The following NAALADL2 variants were observed in gnomAD, a reference collection of about 807,000 sequenced individuals.
NAALADL2 encodes N-acetylated alpha-linked acidic dipeptidase like 2, also known as inactive N-acetylated-alpha-linked acidic dipeptidase-like protein 2.
A neutral mutation model predicts 87.2 loss-of-function variants in NAALADL2; 76 were observed. That is an observed-to-expected ratio of 0.87 (90% CI 0.72 to 1.05). The LOEUF is 1.05. NAALADL2 is among the 50% of genes least tolerant of loss of function. The pLI, the probability that NAALADL2 is intolerant of heterozygous loss-of-function variation, is 0.00. For synonymous variants in NAALADL2, 354 were observed against 331.0 expected (o/e 1.07, Z -0.75); for missense variants, 1,089 against 945.8 (o/e 1.15, Z -1.99).
intron 2 of NAALADL2, among the ~76,000 whole-genome samples, chr3:175,147,395 C>G (rs969480705): frequency 6.6e-6 from 1 of 152,102 alleles, no homozygotes; most frequent in African/African-American, 2.4e-5. Flanking sequence ...CCAGCTGCAT[C>G]CAGGTTGCTA....
At chr3:175,567,155 T>G (rs1326349062) in intron 9 of NAALADL2, among the ~76,000 whole-genome samples, 3 of 152,216 alleles carry the variant, frequency 2.0e-5, no homozygotes, top group African/African-American at 7.2e-5. Context: ...TATTTTCTAA[T>G]GTTTTAAAAG....
chr3:174,938,427 G>A (rs1365869446), intron 1 of NAALADL2, among the ~76,000 whole-genome samples: 1 of 151,964 alleles, frequency 6.6e-6, no homozygotes, highest in Non-Finnish European at 1.5e-5. Flanking sequence ...ATTTGTCATT[G>A]ATAGGCATTT....
chr3:175,255,595 C>G (rs146238284), intron 3 of NAALADL2, among the ~76,000 whole-genome samples: 1 of 152,166 alleles, frequency 6.6e-6, no homozygotes, highest in Non-Finnish European at 1.5e-5. Flanking sequence ...GAGAGTAAAG[C>G]TAAAATCAAT....
intron 2 of NAALADL2, among the ~76,000 whole-genome samples, chr3:175,204,586 C>T (rs186057985): frequency 3.7e-4 from 57 of 152,102 alleles, no homozygotes; most frequent in Non-Finnish European, 5.6e-4. Flanking sequence ...TAGAACTGGA[C>T]GTCCTAGCAA....
chr3:174,558,755 C>T (rs1044692930), intron 2 of NAALADL2, among the ~76,000 whole-genome samples: 3 of 152,106 alleles, frequency 2.0e-5, no homozygotes, highest in African/African-American at 7.2e-5. Context: ...TGGACTGATC[C>T]TGGTCCATGG....
chr3:174,910,244 ATTAAC>A (rs1733527823), intron 1 of NAALADL2, among the ~76,000 whole-genome samples: 1 of 152,066 alleles, frequency 6.6e-6, no homozygotes, highest in African/African-American at 2.4e-5. Context: ...TTACCCATAA[ATTAAC>A]AATCCAGATT....
chr3:174,457,997 AG>A (rs1293678262), intron 1 of NAALADL2, among the ~76,000 whole-genome samples: 1 of 152,074 alleles, frequency 6.6e-6, no homozygotes, highest in Non-Finnish European at 1.5e-5. Flanking sequence ...GGAGGGTAGA[AG>A]GTGGGAAGAG....
intron 1 of NAALADL2, among the ~76,000 whole-genome samples, chr3:174,865,201 TAA>T (rs2109564925): frequency 6.6e-6 from 1 of 152,058 alleles, no homozygotes; most frequent in South Asian, 2.1e-4. Context: ...AAAAAAATAA[TAA>T]AGTTATAAAA....
At chr3:174,785,154 A>G (rs1032891482) in intron 3 of NAALADL2, among the ~76,000 whole-genome samples, 1 of 152,182 alleles carries the variant, frequency 6.6e-6, no homozygotes, top group African/African-American at 2.4e-5. Context: ...TACAACAGTT[A>G]GCTTTTGAGC....
intron 11 of NAALADL2, among the ~76,000 whole-genome samples, chr3:175,683,562 G>A (rs1014427988): frequency 6.6e-6 from 1 of 151,844 alleles, no homozygotes; most frequent in African/African-American, 2.4e-5. Flanking sequence ...GTGGGTCTTT[G>A]GTTACTGATA....
At chr3:175,233,528 G>T (rs938067406) in intron 2 of NAALADL2, among the ~76,000 whole-genome samples, 2 of 152,088 alleles carry the variant, frequency 1.3e-5, no homozygotes, top group South Asian at 2.1e-4. Context: ...TGCAGCCTCC[G>T]ACTCCCAGGC....
chr3:175,783,298 G>A (rs996578255), intron 13 of NAALADL2, among the ~76,000 whole-genome samples: 2 of 152,010 alleles, frequency 1.3e-5, no homozygotes, highest in Non-Finnish European at 1.5e-5. Context: ...ACCTTGGGCA[G>A]TATGGCCATT....
At chr3:174,831,372 G>T (rs938169249) in intron 3 of NAALADL2, among the ~76,000 whole-genome samples, 3 of 145,690 alleles carry the variant, frequency 2.1e-5, no homozygotes, top group Non-Finnish European at 4.5e-5. Context: ...AAATCATGTG[G>T]TTTTTGTCTT....
chr3:175,755,554 T>TC, intron 13 of NAALADL2, 136 bp downstream of exon 13: 1 of 534,574 alleles, frequency 1.9e-6, no homozygotes, highest in Non-Finnish European at 3.0e-6. Flanking sequence ...TTGAGGAACT[T>TC]CCCCCTCCCC....
intron 5 of NAALADL2, among the ~76,000 whole-genome samples, chr3:175,326,682 A>G (rs771829378): frequency 2.6e-5 from 4 of 152,220 alleles, no homozygotes; most frequent in Non-Finnish European, 5.9e-5. Flanking sequence ...AAGGGCTTTA[A>G]TCATTTCATC....
At chr3:174,592,821 CT>C (rs1553794194) in intron 2 of NAALADL2, among the ~76,000 whole-genome samples, 9 of 148,220 alleles carry the variant, frequency 6.1e-5, no homozygotes, top group South Asian at 2.1e-4. Flanking sequence ...CCTAGACCTA[CT>C]TTTTTTTTTG....
At chr3:175,054,718 AC>A (rs1711746049) in intron 1 of NAALADL2, among the ~76,000 whole-genome samples, 1 of 152,174 alleles carries the variant, frequency 6.6e-6, no homozygotes, top group Non-Finnish European at 1.5e-5. Flanking sequence ...CTTGGTGGGA[AC>A]TTTGTCTTTC....
intron 1 of NAALADL2, among the ~76,000 whole-genome samples, chr3:175,042,172 T>C (rs1315075348): frequency 6.6e-6 from 1 of 152,180 alleles, no homozygotes; most frequent in Non-Finnish European, 1.5e-5. Context: ...CATATGATAG[T>C]TGCCTTTCTG....
chr3:175,298,118 A>C (rs1243668635), intron 4 of NAALADL2, among the ~76,000 whole-genome samples: 1 of 152,130 alleles, frequency 6.6e-6, no homozygotes, highest in Non-Finnish European at 1.5e-5. Context: ...CAGGGAAACA[A>C]AGTGGCTAAA....
Sources: allele counts gnomAD v4.1 joint callset (sites outside exome capture counted in the v4.1 genomes callset), GRCh38; gene constraint gnomAD v4.1.1; transcripts MANE v1.5; gene names NCBI Gene and HGNC (gene_info 2026-07-23, HGNC 2026-07-21).